Variants in ST3GAL2 observed in about 807,000 individuals in gnomAD.
The protein encoded by ST3GAL2 is CMP-N-acetylneuraminate-beta-galactosamide-alpha-2,3-sialyltransferase 2.
In ST3GAL2, 16 loss-of-function variants were observed where a neutral mutation model predicts 37.5. The ratio of observed to expected loss-of-function variants is 0.43; its 90% CI spans 0.29 to 0.65. The LOEUF is 0.65. Ranked by LOEUF, ST3GAL2 falls within the 30% of genes least tolerant of loss-of-function variation. The pLI is 0.17. For missense variants in ST3GAL2, 383 were observed against 487.8 expected, an observed-to-expected ratio of 0.79 and a Z score of 2.02; for synonymous variants, 238 against 202.9, an observed-to-expected ratio of 1.17 and a Z score of -1.47.
Position 70,417,851 on chromosome 16 carries a change from C to T in ST3GAL2, c.-1003-18318G>A, listed in dbSNP as rs1015193956. On this transcript the variant is annotated intron_variant, in intron 1 of 6. Transcript: ENST00000342907. ...GGAATGTTAGAAGTTCATCTCCCAA[C>T]GCTGCCCTCTGACTGCCTCCAGGGG... 1.2e-4 allele frequency among the ~76,000 whole-genome samples: 18 copies of T among 152,174 alleles called. 1 individual carries two copies. Among genetic ancestry groups the T allele is most frequent in the Admixed American group, 2.0e-4 (3 of 15,282 alleles).
chr16:70,430,569 A>G (rs2047782949), intron 1 of ST3GAL2, among the ~76,000 whole-genome samples: 1 of 152,102 alleles, frequency 6.6e-6, no homozygotes, highest in African/African-American at 2.4e-5. Context: ...TCCTCTCCTC[A>G]CCATCTCCTC....
intron 2 of ST3GAL2, among the ~76,000 whole-genome samples, chr16:70,395,460 A>C (rs1438675079): frequency 6.6e-6 from 1 of 152,210 alleles, no homozygotes; most frequent in East Asian, 1.9e-4. Context: ...TCAGGGATCA[A>C]GGTGCCTTTC....
intron 1 of ST3GAL2, among the ~76,000 whole-genome samples, chr16:70,427,417 C>T (rs2047759160): frequency 6.6e-6 from 1 of 150,968 alleles, no homozygotes; most frequent in South Asian, 2.1e-4. Flanking sequence ...CGGCTCACTG[C>T]AACCTCCACC....
chr16:70,401,976 A>G (rs1457084629), intron 1 of ST3GAL2, among the ~76,000 whole-genome samples: 1 of 147,610 alleles, frequency 6.8e-6, no homozygotes, highest in African/African-American at 2.5e-5. Flanking sequence ...CCTGGGCGAC[A>G]AGAGCAAAAC....
rs78609765 is a variant in ST3GAL2 at position 70,422,303 on chromosome 16, T to C, written c.-1004+16646A>G. 3.3e-3 allele frequency among the ~76,000 whole-genome samples: 504 copies of C among 152,166 alleles called. 2 individuals are homozygous for C. The highest frequency in any genetic ancestry group is 0.011 in the African/African-American group (446 of 41,492). On this transcript the variant is annotated intron_variant, in intron 1 of 6. Transcript: ENST00000342907. The stretch of plus-strand genomic sequence containing the variant: ...TGGAGTGCTGTATCTCCAAGTAACA[T>C]TGACTTTCAGCCTCATAGAGAGGAA...
chr16:70,376,099 C>T lies in ST3GAL2; in HGVS notation c.*5590G>A, dbSNP rs373867427. 3 of 152,328 alleles carry T rather than the reference C, an allele frequency of 2.0e-5. No individual in the cohort carries two copies. Among genetic ancestry groups the T allele is most frequent in the South Asian group, 2.1e-4 (1 of 4,820 alleles). 9.4% of individuals were successfully genotyped at this position (152,328 alleles called of 1,614,324 possible). A position where few individuals can be genotyped will look rare whatever the true frequency, so the allele number is the denominator to read the frequency against. On this transcript the variant is annotated 3_prime_UTR_variant, in exon 7 of 7. Coordinates refer to ENST00000342907, the MANE Select transcript of ST3GAL2 (RefSeq NM_006927.4). ...CGTTTCACAGGAAGCACCGTGGAGA[C>T]GCAGCCCAGGGGACTGCCATGGCCC...
At chr16:70,427,704 G>A (rs1453106130) in intron 1 of ST3GAL2, among the ~76,000 whole-genome samples, 1 of 152,154 alleles carries the variant, frequency 6.6e-6, no homozygotes, top group Non-Finnish European at 1.5e-5. Flanking sequence ...AGCCTGAAAT[G>A]TAAGAGTCAT....
intron 1 of ST3GAL2, chr16:70,400,977 T>C (rs1348065831): frequency 6.6e-6 from 1 of 152,282 alleles, no homozygotes; most frequent in Non-Finnish European, 1.5e-5. Context: ...GGCTGAACAG[T>C]CTGTAGATGG....
chr16:70,388,619 G>C (rs779096696), intron 3 of ST3GAL2, 73 bp from the exon 4 acceptor site: 179 of 1,491,976 alleles, frequency 1.2e-4, no homozygotes, highest in Non-Finnish European at 1.6e-4. Context: ...AGGACAGTTC[G>C]AAGCCATCCA....
intron 1 of ST3GAL2, among the ~76,000 whole-genome samples, chr16:70,436,814 A>C (rs1305818714): frequency 6.6e-6 from 1 of 152,226 alleles, no homozygotes; most frequent in East Asian, 1.9e-4. Context: ...AAGAGCATCC[A>C]CAGTCTAATG....
intron 1 of ST3GAL2, among the ~76,000 whole-genome samples, chr16:70,412,893 T>C (rs1369419726): frequency 6.6e-6 from 1 of 151,296 alleles, no homozygotes; most frequent in Non-Finnish European, 1.5e-5. Flanking sequence ...TAATAAAAAA[T>C]AAAAAAATTA....
At chr16:70,389,202 CA>C (rs1160368910) in intron 3 of ST3GAL2, among the ~76,000 whole-genome samples, 38 of 27,324 alleles carry the variant, frequency 1.4e-3, no homozygotes, top group South Asian at 3.1e-3. Flanking sequence ...CCCATCTCTA[CA>C]AAAAAAAAAA....
chr16:70,382,148 C>G (rs1447287106), intron 6 of ST3GAL2, among the ~76,000 whole-genome samples: 2 of 151,432 alleles, frequency 1.3e-5, no homozygotes, highest in Admixed American at 1.3e-4. Context: ...CAAGGCAGCC[C>G]TGGCCACTGG....
At chr16:70,406,827 G>A (rs1240430549) in intron 1 of ST3GAL2, among the ~76,000 whole-genome samples, 5 of 152,070 alleles carry the variant, frequency 3.3e-5, no homozygotes, top group Non-Finnish European at 5.9e-5. Context: ...TGTGGAATGG[G>A]ATTCAGCTGA....
intron 1 of ST3GAL2, among the ~76,000 whole-genome samples, chr16:70,409,802 TAAA>T (rs1273580565): frequency 2.1e-5 from 3 of 144,536 alleles, no homozygotes; most frequent in Admixed American, 6.8e-5. Flanking sequence ...CAGACCTGGC[TAAA>T]TTTTTTTTTT....
intron 1 of ST3GAL2, among the ~76,000 whole-genome samples, chr16:70,410,322 C>A (rs1227942878): frequency 7.8e-6 from 1 of 127,846 alleles, no homozygotes; most frequent in Non-Finnish European, 1.6e-5. Flanking sequence ...TTGATCTCGG[C>A]TCACTGCAAG....
At chr16:70,401,994 C>CG (rs2047558878) in intron 1 of ST3GAL2, among the ~76,000 whole-genome samples, 1 of 60,200 alleles carries the variant, frequency 1.7e-5, no homozygotes, top group Non-Finnish European at 3.0e-5. Context: ...AACTCTGCCT[C>CG]AAAAAAAAAA....
chr16:70,414,607 A>G (rs2047662163), intron 1 of ST3GAL2, among the ~76,000 whole-genome samples: 1 of 152,226 alleles, frequency 6.6e-6, no homozygotes, highest in Non-Finnish European at 1.5e-5. Flanking sequence ...TTGATTCAGG[A>G]GCCAAATTCT....
rs528325836 is a variant in ST3GAL2 at position 70,389,813 on chromosome 16, G to T, written c.534-1267C>A. On this transcript the variant is annotated intron_variant, in intron 3 of 6. Coordinates refer to ENST00000342907, the MANE Select transcript of ST3GAL2 (RefSeq NM_006927.4). ...TTGTTTGTTTGTTTTTTGAGACGGA[G>T]TCTTGCTCTGTCGCCCAGGCTGGAG... 1.3e-4 allele frequency among the ~76,000 whole-genome samples: 20 copies of T among 150,996 alleles called. No homozygotes were observed. The South Asian group carries it at 4.0e-3, about 30-fold the overall frequency.
Sources: allele counts gnomAD v4.1 joint callset (sites outside exome capture counted in the v4.1 genomes callset), GRCh38; gene constraint gnomAD v4.1.1; transcripts MANE v1.5; gene names NCBI Gene and HGNC (gene_info 2026-07-23, HGNC 2026-07-21).